Variants in PCBD1 observed in about 807,000 individuals in gnomAD.
PCBD1 encodes pterin-4 alpha-carbinolamine dehydratase 1.
PCBD1 carries 16 observed loss-of-function variants against 12.6 expected under a neutral mutation model. The ratio of observed to expected loss-of-function variants is 1.27; its 90% CI spans 0.86 to 1.93. The LOEUF is 1.93. PCBD1 is among the 30% of genes most tolerant of loss of function. The probability of loss-of-function intolerance (pLI) is 0.00; values close to 1 mark genes in which losing one functional copy is unlikely to be tolerated. For missense variants in PCBD1, 86 were observed against 130.1 expected, an observed-to-expected ratio of 0.66 and a Z score of 1.65; for synonymous variants, 53 against 50.2, an observed-to-expected ratio of 1.05 and a Z score of -0.23.
downstream of PCBD1, among the ~76,000 whole-genome samples, chr10:70,882,716 C>G (rs959167125): frequency 1.2e-4 from 19 of 152,154 alleles, no homozygotes; most frequent in African/African-American, 4.1e-4. Flanking sequence ...TCAGAAACAC[C>G]CTCACAGACA....
intron 2 of PCBD1, 100 bp from the exon 3 acceptor site, chr10:70,885,332 C>A: frequency 3.7e-6 from 3 of 815,516 alleles, no homozygotes; most frequent in South Asian, 1.4e-5. Context: ...ATTAGCTTCC[C>A]CCCAGGAGAC....
In PCBD1 at chr10:70,888,382, C is replaced by T; in HGVS notation, c.3+149G>A. 3 of 900,596 alleles carry T rather than the reference C, an allele frequency of 3.3e-6. No individual in the cohort carries two copies. The South Asian group carries it at 6.2e-5, about 19-fold the overall frequency. The allele number at this position is 900,596 out of a possible 1,614,324, so 55.8% of individuals were successfully genotyped here. On this transcript the variant is annotated intron_variant, in intron 1 of 3. Coordinates refer to ENST00000299299, the MANE Select transcript of PCBD1 (RefSeq NM_000281.4). The stretch of plus-strand genomic sequence containing the variant: ...AGCTTCCCCTCCCCGCCGCCAGCGA[C>T]AGAGAGCCGGGCAGAGACCCCACTT...
Position 70,883,967 on chromosome 10 carries a change from C to T in PCBD1, c.298G>A (p.Ala100Thr), listed in dbSNP as rs1405975011. 12 of 1,613,858 alleles carry T rather than the reference C, an allele frequency of 7.4e-6. No individual in the cohort carries two copies. The highest frequency in any genetic ancestry group is 3.3e-5 in the Admixed American group (2 of 59,998). The change falls in exon 4 of 4, where the codon GCA becomes ACA. Residue 100 changes from alanine (A) to threonine (T), a missense_variant. Physicochemically the swap from Ala to Thr is moderately conservative, Grantham distance 58. Transcript: ENST00000299299. ...INLASFIEQV[A>T]VSMT Reference sequence around the variant, plus strand: ...GGCAGGGTCTATGTCATGGACACTGCTACTTGTTCGATGAAGCTGGCCAGG... The same window carrying T: ...GGCAGGGTCTATGTCATGGACACTGTTACTTGTTCGATGAAGCTGGCCAGG...
chr10:70,885,113 TG>T, intron 3 of PCBD1, 38 bp downstream of exon 3: 1 of 1,545,030 alleles, frequency 6.5e-7, no homozygotes, highest in Non-Finnish European at 8.9e-7. Flanking sequence ...AGTATTTGGA[TG>T]GGGGCAGAGC....
intron 1 of PCBD1, 61 bp downstream of exon 1, chr10:70,888,470 C>T (rs1055885323): frequency 2.7e-6 from 4 of 1,459,452 alleles, no homozygotes; most frequent in African/African-American, 1.5e-5. Flanking sequence ...CCCGCTCCCA[C>T]CTCGCCCGCG....
intron 1 of PCBD1, among the ~76,000 whole-genome samples, chr10:70,886,261 T>A (rs909344329): frequency 2.6e-4 from 40 of 152,100 alleles, no homozygotes; most frequent in African/African-American, 8.0e-4. Flanking sequence ...TTACGGACCT[T>A]CCCTCCATGA....
chr10:70,882,908 A>T (rs1402473616), downstream of PCBD1, among the ~76,000 whole-genome samples: 1 of 152,230 alleles, frequency 6.6e-6, no homozygotes, highest in African/African-American at 2.4e-5. Flanking sequence ...CAAGTTGAGC[A>T]TCTCTAATCT....
downstream of PCBD1, among the ~76,000 whole-genome samples, chr10:70,882,767 C>T (rs1165660851): frequency 6.6e-6 from 1 of 152,154 alleles, no homozygotes; most frequent in East Asian, 1.9e-4. Flanking sequence ...ACCCCATGGC[C>T]CAATCAAGTT....
chr10:70,885,991 G>A (rs980766460), intron 1 of PCBD1, 62 bp from the exon 2 acceptor site: 1 of 1,593,788 alleles, frequency 6.3e-7, no homozygotes. Flanking sequence ...AAACAGAGGG[G>A]CTCCAACCTT....
At chr10:70,888,078 A>T (rs1175745828) in intron 1 of PCBD1, 1 of 154,532 alleles carries the variant, frequency 6.5e-6, no homozygotes, top group Non-Finnish European at 1.4e-5. Flanking sequence ...TCCCAGGCAG[A>T]CCCCGTACCC....
intron 2 of PCBD1, 64 bp downstream of exon 2, chr10:70,885,732 AAC>A: frequency 6.3e-7 from 1 of 1,597,230 alleles, no homozygotes. Flanking sequence ...GAAGGGAGAG[AAC>A]ATGCTTTGTA....
chr10:70,887,493 G>A (rs1846603132), intron 1 of PCBD1, among the ~76,000 whole-genome samples: 1 of 152,170 alleles, frequency 6.6e-6, no homozygotes, highest in Non-Finnish European at 1.5e-5. Context: ...CTGACCGCCT[G>A]GTCCGTGTAT....
At chr10:70,882,579 T>C (rs1846516017), downstream of PCBD1, 1 of 152,252 alleles carries the variant, frequency 6.6e-6, no homozygotes, top group African/African-American at 2.4e-5. Context: ...TCCCTTTTAT[T>C]TGGAAGAGGG....
chr10:70,884,039 T>C lies in PCBD1; in HGVS notation c.226A>G (p.Thr76Ala), dbSNP rs1212082596. 1 of 1,614,066 alleles carries C rather than the reference T, an allele frequency of 6.2e-7. No homozygotes were observed. The highest frequency in any genetic ancestry group is 2.2e-5 in the East Asian group (1 of 44,886). ...CCGGCACACTCATGGGTGCTCAGCGTGATGTGGACCTGAAATGAAACCAGA... is the reference window on the plus strand; with the variant it reads ...CCGGCACACTCATGGGTGCTCAGCGCGATGTGGACCTGAAATGAAACCAGA... Reference protein sequence around the residue: ...WFNVYNKVHITLSTHECAGLS... With the variant: ...WFNVYNKVHIALSTHECAGLS... Residue 76 changes from threonine to alanine, a missense_variant, in exon 4 of 4, where the codon ACG becomes GCG. Coordinates refer to ENST00000299299, the MANE Select transcript of PCBD1 (RefSeq NM_000281.4).
chr10:70,882,778 G>A (rs1846519512), downstream of PCBD1, among the ~76,000 whole-genome samples: 1 of 152,162 alleles, frequency 6.6e-6, no homozygotes, highest in African/African-American at 2.4e-5. Flanking sequence ...CAATCAAGTT[G>A]ACACCTAACA....
In PCBD1 at chr10:70,885,722, G is replaced by A. The variant is rs1464040787; in HGVS notation, c.135+76C>T. 5 of 1,575,304 alleles carry A rather than the reference G, an allele frequency of 3.2e-6. No individual in the cohort carries two copies. The African/African-American group carries it at 4.0e-5, about 13-fold the overall frequency. On this transcript the variant is annotated intron_variant, in intron 2 of 3. Coordinates refer to ENST00000299299, the MANE Select transcript of PCBD1 (RefSeq NM_000281.4). Reference sequence around the variant, plus strand: ...CTGAGAGTCTTGGCTAACAAGACGTGAAGGGAGAGAACATGCTTTGTAAGG... The same window carrying A: ...CTGAGAGTCTTGGCTAACAAGACGTAAAGGGAGAGAACATGCTTTGTAAGG...
intron 3 of PCBD1, 98 bp from the exon 4 acceptor site, chr10:70,884,146 A>G: frequency 8.0e-7 from 1 of 1,249,682 alleles, no homozygotes; most frequent in Non-Finnish European, 1.1e-6. Context: ...GCTCCAGAAT[A>G]GCAGCTGGCC....
Position 70,883,656 on chromosome 10 carries a change from C to G in PCBD1, c.*294G>C, listed in dbSNP as rs912662405. 2.3e-6 allele frequency: 3 copies of G among 1,284,636 alleles called. No homozygotes were observed. The highest frequency in any genetic ancestry group is 3.2e-5 in the South Asian group (2 of 62,386). The allele number at this position is 1,284,636 out of a possible 1,614,324, so 79.6% of individuals were successfully genotyped here. ...GGGAAATGAATTAGGGAGCAAGAGA[C>G]GGCCTGGCAAGAAAATCATTATTGT... On this transcript the variant is annotated 3_prime_UTR_variant, in exon 4 of 4. Coordinates refer to ENST00000299299, the MANE Select transcript of PCBD1 (RefSeq NM_000281.4).
At chr10:70,887,087 C>T (rs996241951) in intron 1 of PCBD1, among the ~76,000 whole-genome samples, 4 of 152,126 alleles carry the variant, frequency 2.6e-5, no homozygotes, top group Non-Finnish European at 4.4e-5. Flanking sequence ...TTTTGAGACC[C>T]GCTTTCACCA....
Sources: gnomAD v4.1 joint callset for allele counts (sites outside exome capture counted in the v4.1 genomes callset) on GRCh38, gnomAD v4.1.1 for gene constraint, MANE v1.5 for transcripts, NCBI Gene and HGNC (gene_info 2026-07-23, HGNC 2026-07-21) for gene names.